The following MAGI2 variants were observed in gnomAD, a reference collection of about 807,000 sequenced individuals.
The protein encoded by MAGI2 is membrane associated guanylate kinase, WW and PDZ domain containing 2.
In MAGI2, 35 loss-of-function variants were observed where a neutral mutation model predicts 133.3. That is an observed-to-expected ratio of 0.26 (90% confidence interval 0.20 to 0.35). The LOEUF (loss-of-function observed/expected upper bound fraction) is 0.35, where lower values mean the gene tolerates loss of function less well. MAGI2 is among the 10% of genes least tolerant of loss of function. The pLI is 1.00. For synonymous variants in MAGI2, 729 were observed against 710.6 expected (o/e 1.03, Z -0.41); for missense variants, 1,636 against 1,863.4 (o/e 0.88, Z 2.25).
At chr7:78,075,675 G>A (rs1815214181) in intron 21 of MAGI2, among the ~76,000 whole-genome samples, 1 of 151,972 alleles carries the variant, frequency 6.6e-6, no homozygotes, top group East Asian at 1.9e-4. Context: ...CACACCTGCT[G>A]ATGTAATAAA....
chr7:78,580,226 A>G (rs905293972), intron 3 of MAGI2, among the ~76,000 whole-genome samples: 1 of 152,186 alleles, frequency 6.6e-6, no homozygotes, highest in Non-Finnish European at 1.5e-5. Flanking sequence ...CACACATGCT[A>G]ACTTAAAAAG....
Position 78,412,916 on chromosome 7 carries a change from T to G in MAGI2, c.1046-43703A>C, listed in dbSNP as rs111382900. On this transcript the variant is annotated intron_variant, in intron 6 of 21. Coordinates refer to ENST00000354212, the MANE Select transcript of MAGI2 (RefSeq NM_012301.4). ...GAAGCCTAAAATATAAACATATGAATGCTTCCGAAAGGTGGCTAACCACCA... is the reference window on the plus strand; with the variant it reads ...GAAGCCTAAAATATAAACATATGAAGGCTTCCGAAAGGTGGCTAACCACCA... 8.1e-4 allele frequency among the ~76,000 whole-genome samples: 124 copies of G among 152,216 alleles called. 3 individuals carry two copies. Among genetic ancestry groups the G allele is most frequent in the African/African-American group, 2.7e-3 (113 of 41,558 alleles).
rs994313114 is a variant in MAGI2, at chr7:79,294,399, GC to G, written c.301+158620del. On this transcript the variant is annotated intron_variant, in intron 1 of 21. Transcript: ENST00000354212. Reference sequence around the variant, plus strand: ...AAGCTAGAGAGGTTCCCATTAACAGGCCCCCATCTCACCGATTGAACCTTAG... The same window carrying G: ...AAGCTAGAGAGGTTCCCATTAACAGGCCCCATCTCACCGATTGAACCTTAG... Among the ~76,000 whole-genome samples, 181 of 151,822 alleles carry G rather than the reference GC, an allele frequency of 1.2e-3. 1 individual carries two copies. Among genetic ancestry groups the G allele is most frequent in the African/African-American group, 4.2e-3 (172 of 41,422 alleles).
intron 1 of MAGI2, among the ~76,000 whole-genome samples, chr7:79,099,617 A>T (rs1817796911): frequency 6.6e-6 from 1 of 151,612 alleles, no homozygotes; most frequent in Non-Finnish European, 1.5e-5. Flanking sequence ...TTTTCTTCTC[A>T]CCCTCCTCTC....
Position 79,391,508 on chromosome 7 carries a change from CATATATAT to C in MAGI2, c.301+61504_301+61511del, listed in dbSNP as rs1286692402. On this transcript the variant is annotated intron_variant, in intron 1 of 21. Coordinates refer to ENST00000354212, the MANE Select transcript of MAGI2 (RefSeq NM_012301.4). ...TTTAACATATATATATATATATAGA[CATATATAT>C]ATATATATATATATATATATAGACA... is the stretch of plus-strand genomic sequence containing the variant. Among the ~76,000 whole-genome samples the C allele has an allele frequency of 8.6e-3, 593 of 69,130 alleles. 5 individuals are homozygous for C. Among genetic ancestry groups the C allele is most frequent in the African/African-American group, 0.03 (352 of 11,858 alleles). 45.4% of individuals were successfully genotyped at this position (69,130 alleles called of 152,430 possible).
At chr7:78,346,943 C>T (rs943823952) in intron 7 of MAGI2, among the ~76,000 whole-genome samples, 3 of 152,200 alleles carry the variant, frequency 2.0e-5, no homozygotes, top group Admixed American at 6.5e-5. Context: ...GTACTTAACT[C>T]TTGGCCAGTT....
intron 2 of MAGI2, among the ~76,000 whole-genome samples, chr7:78,805,882 C>A (rs914658590): frequency 7.2e-5 from 11 of 152,140 alleles, no homozygotes; most frequent in Admixed American, 2.0e-4. Context: ...ACCAGTCCAG[C>A]CCTCACATCA....
chr7:79,203,616 G>GA (rs1202463192), intron 1 of MAGI2, among the ~76,000 whole-genome samples: 6 of 151,610 alleles, frequency 4.0e-5, no homozygotes, highest in African/African-American at 1.5e-4. Context: ...ATTCACTCCT[G>GA]AAAAAAAATT....
rs1798471458 is a variant in MAGI2, at chr7:78,418,171, A to C, written c.1046-48958T>G. 2.0e-5 allele frequency among the ~76,000 whole-genome samples: 3 copies of C among 152,204 alleles called. No homozygotes were observed. The South Asian group carries it at 6.2e-4, about 31-fold the overall frequency. ...CTCATCTCTAAAAATGCAGAAAAAT[A>C]TGGCAACAGAAAAGCAGAACATAAC... is the stretch of plus-strand genomic sequence containing the variant. On this transcript the variant is annotated intron_variant, in intron 6 of 21. Coordinates refer to ENST00000354212, the MANE Select transcript of MAGI2 (RefSeq NM_012301.4).
intron 2 of MAGI2, among the ~76,000 whole-genome samples, chr7:78,637,239 G>T (rs1478007695): frequency 6.6e-6 from 1 of 152,144 alleles, no homozygotes; most frequent in East Asian, 1.9e-4. Context: ...TTTTCATAGT[G>T]AAGTGTTCTT....
At chr7:78,043,027 T>C (rs1811019566) in intron 21 of MAGI2, among the ~76,000 whole-genome samples, 1 of 152,236 alleles carries the variant, frequency 6.6e-6, no homozygotes, top group African/African-American at 2.4e-5. Context: ...GAGGACAGGT[T>C]CAAGTACACT....
At chr7:79,200,410 C>A (rs1828490435) in intron 1 of MAGI2, among the ~76,000 whole-genome samples, 1 of 150,776 alleles carries the variant, frequency 6.6e-6, no homozygotes, top group East Asian at 2.0e-4. Flanking sequence ...TGAGACCAGC[C>A]TGGGCAACAT....
intron 6 of MAGI2, among the ~76,000 whole-genome samples, chr7:78,440,338 T>C (rs549262548): frequency 3.9e-5 from 6 of 152,288 alleles, no homozygotes; most frequent in African/African-American, 1.4e-4. Context: ...TGAAGTGTGC[T>C]GTAGAATTTG....
At chr7:78,683,979 G>C (rs1473840099) in intron 2 of MAGI2, among the ~76,000 whole-genome samples, 1 of 152,108 alleles carries the variant, frequency 6.6e-6, no homozygotes, top group African/African-American at 2.4e-5. Flanking sequence ...GATTAACGGG[G>C]CTTCTCCCAG....
At chr7:78,655,460 A>AC (rs1812111048) in intron 2 of MAGI2, among the ~76,000 whole-genome samples, 1 of 149,090 alleles carries the variant, frequency 6.7e-6, no homozygotes, top group Non-Finnish European at 1.5e-5. Context: ...CAACCAAAAA[A>AC]AAAAAAAAAA....
At chr7:78,375,327 T>A (rs1200803873) in intron 6 of MAGI2, among the ~76,000 whole-genome samples, 1 of 152,150 alleles carries the variant, frequency 6.6e-6, no homozygotes, top group East Asian at 1.9e-4. Flanking sequence ...GAGTGTTAAA[T>A]CTAGAGTCAG....
intron 1 of MAGI2, among the ~76,000 whole-genome samples, chr7:79,224,928 C>G (rs1307233336): frequency 6.6e-6 from 1 of 152,168 alleles, no homozygotes; most frequent in Non-Finnish European, 1.5e-5. Context: ...ATTCAAAGAA[C>G]TGAACACCAC....
intron 2 of MAGI2, among the ~76,000 whole-genome samples, chr7:78,862,600 TTCATTCATGAA>T (rs1254200256): frequency 3.9e-5 from 6 of 152,218 alleles, no homozygotes; most frequent in African/African-American, 1.4e-4. Context: ...ATTTTCTAAT[TTCATTCATGAA>T]CTTTTTCCTA....
At chr7:79,294,940 G>C (rs954665071) in intron 1 of MAGI2, among the ~76,000 whole-genome samples, 6 of 150,518 alleles carry the variant, frequency 4.0e-5, no homozygotes, top group African/African-American at 1.5e-4. Flanking sequence ...GGGTTTCACC[G>C]TGTTAGCCAC....
Sources: allele counts gnomAD v4.1 joint callset (sites outside exome capture counted in the v4.1 genomes callset), GRCh38; gene constraint gnomAD v4.1.1; transcripts MANE v1.5; gene names NCBI Gene and HGNC (gene_info 2026-07-23, HGNC 2026-07-21).